The following WDR93 variants were observed in gnomAD, a reference collection of about 807,000 sequenced individuals.
The protein encoded by WDR93 is WD repeat-containing protein 93.
A neutral mutation model predicts 82.9 loss-of-function variants in WDR93; 73 were observed. That is an observed-to-expected ratio of 0.88 (90% CI 0.73 to 1.07). The LOEUF is 1.07. Among genes scored for constraint, WDR93 ranks in the 50% least tolerant of loss-of-function variants. WDR93 has a pLI of 0.00. For synonymous variants in WDR93, 283 were observed against 300.1 expected, an observed-to-expected ratio of 0.94 and a Z score of 0.59; for missense variants, 738 against 826.0, an observed-to-expected ratio of 0.89 and a Z score of 1.31.
rs976016008 is a variant in WDR93, at chr15:89,741,268, T to C, written c.1962-2024T>C. ...ATTTTGTCTATTTTTTGAGACAGGG[T>C]CATCCAGGCTGGAGTGCAGTGGTGC... On this transcript the variant is annotated intron_variant, in intron 16 of 16. Transcript: ENST00000268130. 3.2e-4 allele frequency among the ~76,000 whole-genome samples: 48 copies of C among 152,214 alleles called. 1 individual carries two copies. The highest frequency in any genetic ancestry group is 7.3e-5 in the Non-Finnish European group (5 of 68,036).
At chr15:89,694,764 A>C (rs1437690511) in intron 1 of WDR93, among the ~76,000 whole-genome samples, 1 of 152,214 alleles carries the variant, frequency 6.6e-6, no homozygotes, top group African/African-American at 2.4e-5. Context: ...ATCTTTGTCT[A>C]AGAGAAGATT....
intron 4 of WDR93, among the ~76,000 whole-genome samples, chr15:89,706,016 C>T (rs1965710688): frequency 6.6e-6 from 1 of 152,140 alleles, no homozygotes; most frequent in East Asian, 1.9e-4. Flanking sequence ...CCAAAATTTC[C>T]CCCATTCTTC....
In WDR93 at chr15:89,729,778, C is replaced by T; in HGVS notation, c.1210+9C>T. On this transcript the variant is annotated intron_variant, in intron 11 of 16. Transcript: ENST00000268130. ...TCTAAAGGATAAAGCTGGTACTTTA[C>T]TGCTGAGATGGGAGTCGCCTAAGCT... is the stretch of plus-strand genomic sequence containing the variant. 2 of 1,610,744 alleles carry T rather than the reference C, an allele frequency of 1.2e-6. No individual in the cohort carries two copies. The highest frequency in any genetic ancestry group is 1.7e-6 in the Non-Finnish European group (2 of 1,177,350).
At position 89,731,447 on chromosome 15, in the gene WDR93, C is replaced by G. The variant is rs772190130; in HGVS notation, c.1215C>G (p.Pro405=). The change falls in exon 12 of 17, where the codon CCC becomes CCG. Residue 405 remains proline (P), a synonymous_variant. Transcript: ENST00000268130. ...GAGTATTGTCCTTCCCCCTAGACCC[C>G]GAGGGTGTGTGGCCCTGTGCTGCGC... ...LNRTLKDKAD[P]EGVWPCAAPI... The G allele has an allele frequency of 6.2e-7, 1 of 1,614,088 alleles. No homozygotes were observed. The highest frequency in any genetic ancestry group is 8.5e-7 in the Non-Finnish European group (1 of 1,180,000).
chr15:89,717,242 A>G (rs1966307592), intron 7 of WDR93, among the ~76,000 whole-genome samples: 1 of 151,938 alleles, frequency 6.6e-6, no homozygotes, highest in African/African-American at 2.4e-5. Context: ...TATTTTTAGT[A>G]GAGACAGGGT....
intron 4 of WDR93, among the ~76,000 whole-genome samples, chr15:89,707,399 A>G (rs1965768082): frequency 6.6e-6 from 1 of 152,220 alleles, no homozygotes; most frequent in South Asian, 2.1e-4. Context: ...AAAAATACAA[A>G]AATTAGTTGA....
intron 4 of WDR93, among the ~76,000 whole-genome samples, chr15:89,706,042 A>G (rs1269674139): frequency 1.3e-5 from 2 of 152,008 alleles, no homozygotes; most frequent in Non-Finnish European, 2.9e-5. Context: ...CAGCTCAAAT[A>G]TCTCCTCTAA....
At chr15:89,695,616 G>C (rs1965129721) in intron 1 of WDR93, among the ~76,000 whole-genome samples, 1 of 152,118 alleles carries the variant, frequency 6.6e-6, no homozygotes, top group African/African-American at 2.4e-5. Flanking sequence ...CCAGTACATA[G>C]AAATACAATC....
At chr15:89,705,512 C>A in intron 3 of WDR93, 42 bp from the exon 4 acceptor site, 1 of 1,210,340 alleles carries the variant, frequency 8.3e-7, no homozygotes, top group Non-Finnish European at 1.2e-6. Context: ...CTCTTCAGCT[C>A]AATTGTCTGT....
At chr15:89,736,450 C>T (rs79480559) in intron 14 of WDR93, among the ~76,000 whole-genome samples, 17 of 152,036 alleles carry the variant, frequency 1.1e-4, no homozygotes, top group Non-Finnish European at 1.8e-4. Context: ...TGAAGTGGGG[C>T]GTACAGCAGG....
At chr15:89,699,652 C>T (rs72752553) in intron 1 of WDR93, among the ~76,000 whole-genome samples, 8,514 of 151,400 alleles carry the variant, frequency 0.056, 282 homozygotes, top group Middle Eastern at 0.11. Flanking sequence ...CTTTTTTATT[C>T]CTTCGTTTCA....
chr15:89,731,125 A>G (rs1320465576), intron 11 of WDR93, among the ~76,000 whole-genome samples: 2 of 152,212 alleles, frequency 1.3e-5, no homozygotes, highest in African/African-American at 4.8e-5. Context: ...GGGGATACTA[A>G]TAAGACTACT....
intron 16 of WDR93, among the ~76,000 whole-genome samples, chr15:89,741,600 C>T (rs1328893464): frequency 6.6e-6 from 1 of 152,192 alleles, no homozygotes; most frequent in East Asian, 1.9e-4. Context: ...ATAAAGTACA[C>T]ATTGCTACTT....
chr15:89,701,235 A>G (rs990777015), intron 1 of WDR93, among the ~76,000 whole-genome samples: 1 of 152,110 alleles, frequency 6.6e-6, no homozygotes, highest in African/African-American at 2.4e-5. Context: ...GCAGCGGGAA[A>G]GGAGAAAAGG....
In WDR93 at chr15:89,736,993, G is replaced by A. The variant is rs372900832; in HGVS notation, c.1609-580G>A. Reference sequence around the variant, plus strand: ...TTTTTAGTAGAGACGAGGTTTCACCGTGTTAGCCAGGATGGTCTCGATCTC... The same window carrying A: ...TTTTTAGTAGAGACGAGGTTTCACCATGTTAGCCAGGATGGTCTCGATCTC... On this transcript the variant is annotated intron_variant, in intron 14 of 16. Transcript: ENST00000268130. Among the ~76,000 whole-genome samples, 487 of 152,160 alleles carry A rather than the reference G, an allele frequency of 3.2e-3. 1 individual carries two copies. Among genetic ancestry groups the A allele is most frequent in the Admixed American group, 5.0e-3 (76 of 15,274 alleles).
chr15:89,737,562 T>G lies in WDR93; in HGVS notation c.1609-11T>G, dbSNP rs201950493. The G allele has an allele frequency of 1.9e-6, 3 of 1,614,152 alleles. No individual in the cohort carries two copies. In the African/African-American group the frequency reaches 4.0e-5, roughly 22 times the overall value. ...AGTAGAAGCCCCCCTCACCATCTCTTTGCTTCCCAGGTGCTCATCTTTTCC... is the reference window on the plus strand; with the variant it reads ...AGTAGAAGCCCCCCTCACCATCTCTGTGCTTCCCAGGTGCTCATCTTTTCC... On this transcript the variant is annotated splice_polypyrimidine_tract_variant and intron_variant, in intron 14 of 16. Coordinates refer to ENST00000268130, the MANE Select transcript of WDR93 (RefSeq NM_020212.2).
chr15:89,735,444 T>C, intron 13 of WDR93, 46 bp from the exon 14 acceptor site: 49 of 1,592,868 alleles, frequency 3.1e-5, no homozygotes, highest in Non-Finnish European at 4.1e-5. Context: ...TCAAAACTTT[T>C]AAACTCTTAA....
intron 6 of WDR93, 75 bp from the exon 7 acceptor site, chr15:89,716,831 GAGAGC>G: frequency 2.0e-6 from 2 of 996,772 alleles, no homozygotes; most frequent in Non-Finnish European, 3.0e-6. Flanking sequence ...GAGGGGAAGA[GAGAGC>G]ATGCCAGAAG....
intron 13 of WDR93, among the ~76,000 whole-genome samples, chr15:89,733,797 C>A (rs1378022743): frequency 6.6e-6 from 1 of 152,106 alleles, no homozygotes; most frequent in African/African-American, 2.4e-5. Flanking sequence ...AAATAAATTC[C>A]TTTGCTTTAT....
Sources: gnomAD v4.1 joint callset for allele counts (sites outside exome capture counted in the v4.1 genomes callset) on GRCh38, gnomAD v4.1.1 for gene constraint, MANE v1.5 for transcripts, NCBI Gene and HGNC (gene_info 2026-07-23, HGNC 2026-07-21) for gene names.